TMEM117: variants seen among roughly 807,000 people sequenced by gnomAD.
TMEM117 encodes transmembrane protein 117.
Under a neutral mutation model 52.4 loss-of-function variants are expected in TMEM117, and 27 were observed. That is an observed-to-expected ratio of 0.51 (90% CI 0.38 to 0.71). The LOEUF is 0.71. TMEM117 is among the 30% of genes least tolerant of loss of function. The pLI is 0.00. For synonymous variants in TMEM117, 215 were observed against 206.3 expected (o/e 1.04, Z -0.36); for missense variants, 556 against 630.5 (o/e 0.88, Z 1.26).
intron 6 of TMEM117, among the ~76,000 whole-genome samples, chr12:44,307,764 G>A (rs1317950774): frequency 2.0e-5 from 3 of 152,202 alleles, no homozygotes; most frequent in Admixed American, 2.0e-4. Context: ...CCATACAGAA[G>A]GAAGGAGTCC....
At chr12:44,363,081 A>G (rs1244786666) in intron 6 of TMEM117, among the ~76,000 whole-genome samples, 1 of 152,182 alleles carries the variant, frequency 6.6e-6, no homozygotes, top group African/African-American at 2.4e-5. Flanking sequence ...AAGGTCATTT[A>G]GAGCCAGGAC....
chr12:44,206,078 A>G (rs1253873814), intron 4 of TMEM117, among the ~76,000 whole-genome samples: 1 of 152,210 alleles, frequency 6.6e-6, no homozygotes, highest in Non-Finnish European at 1.5e-5. Flanking sequence ...CAGCAAGCCA[A>G]TGGTAAGCAT....
intron 2 of TMEM117, among the ~76,000 whole-genome samples, chr12:43,942,468 T>C (rs1945058995): frequency 6.6e-6 from 1 of 152,196 alleles, no homozygotes; most frequent in Admixed American, 6.5e-5. Flanking sequence ...TTATAATTTG[T>C]GGGGGCTAGT....
At chr12:43,817,245 G>A in the TMEM117 span, among the ~76,000 whole-genome samples, 1 of 152,130 alleles carries the variant, frequency 6.6e-6, no homozygotes, top group Non-Finnish European at 1.5e-5. Context: ...AAATGTGTTG[G>A]CCTTACCTGA....
chr12:44,331,208 T>TC (rs1196107333), intron 6 of TMEM117, among the ~76,000 whole-genome samples: 1 of 151,774 alleles, frequency 6.6e-6, no homozygotes, highest in Non-Finnish European at 1.5e-5. Context: ...TCTTTTTTTC[T>TC]CTTTTTTTTT....
rs577748425 is a variant in TMEM117 at position 44,162,002 on chromosome 12, T to C, written c.510+18378T>C. Reference sequence around the variant, plus strand: ...CAGCAATCAGATACAGAAAATAAATTGGACTTTATGCAGTCATTTGGGAAT... The same window carrying C: ...CAGCAATCAGATACAGAAAATAAATCGGACTTTATGCAGTCATTTGGGAAT... On this transcript the variant is annotated intron_variant, in intron 4 of 7. Coordinates refer to ENST00000266534, the MANE Select transcript of TMEM117 (RefSeq NM_032256.3). Among the ~76,000 whole-genome samples the C allele has an allele frequency of 3.3e-5, 5 of 152,216 alleles. No homozygotes were observed. In the South Asian group the frequency reaches 1.0e-3, roughly 32 times the overall value.
chr12:44,346,408 G>T (rs762238217), intron 6 of TMEM117, among the ~76,000 whole-genome samples: 1 of 152,018 alleles, frequency 6.6e-6, no homozygotes, highest in Non-Finnish European at 1.5e-5. Flanking sequence ...ATACAATGTG[G>T]TTGCTCATAA....
intron 3 of TMEM117, among the ~76,000 whole-genome samples, chr12:44,073,261 G>T (rs2137988740): frequency 6.6e-6 from 1 of 152,266 alleles, no homozygotes; most frequent in South Asian, 2.1e-4. Flanking sequence ...TTCAGGCCAT[G>T]TAAAGAAGAA....
chr12:44,051,110 A>G (rs1414854097), intron 3 of TMEM117, among the ~76,000 whole-genome samples: 3 of 152,320 alleles, frequency 2.0e-5, no homozygotes, highest in East Asian at 3.9e-4. Flanking sequence ...TGTGTTGCCA[A>G]CTGCATATAA....
At chr12:44,300,044 AC>A (rs886498613) in intron 6 of TMEM117, among the ~76,000 whole-genome samples, 3 of 152,184 alleles carry the variant, frequency 2.0e-5, no homozygotes, top group African/African-American at 7.2e-5. Context: ...AGAAACAAAA[AC>A]CAAAAATCCT....
chr12:44,278,645 A>G (rs538803194), intron 5 of TMEM117, among the ~76,000 whole-genome samples: 73 of 152,318 alleles, frequency 4.8e-4, no homozygotes, highest in African/African-American at 1.6e-3. Context: ...AAATCAATCA[A>G]TGGGATCTCT....
intron 5 of TMEM117, among the ~76,000 whole-genome samples, chr12:44,285,214 T>C (rs1413329134): frequency 6.6e-6 from 1 of 152,212 alleles, no homozygotes; most frequent in Non-Finnish European, 1.5e-5. Context: ...TACCAAGTTG[T>C]TCCTTCATTT....
intron 3 of TMEM117, among the ~76,000 whole-genome samples, chr12:44,126,169 A>G (rs1248632590): frequency 1.3e-5 from 2 of 152,082 alleles, no homozygotes; most frequent in African/African-American, 4.8e-5. Flanking sequence ...TCCACCATTA[A>G]TGGGCATTTA....
At chr12:44,398,810 T>C in the TMEM117 span, among the ~76,000 whole-genome samples, 1 of 152,238 alleles carries the variant, frequency 6.6e-6, no homozygotes, top group Non-Finnish European at 1.5e-5. Flanking sequence ...AGATTGCATT[T>C]GTTTTTATAA....
At chr12:43,999,918 A>G (rs1014330010) in intron 3 of TMEM117, among the ~76,000 whole-genome samples, 20 of 152,246 alleles carry the variant, frequency 1.3e-4, no homozygotes, top group Admixed American at 8.5e-4. Context: ...GTTAATGGGA[A>G]TGAAAGGAAT....
At chr12:44,324,807 A>G (rs907417954) in intron 6 of TMEM117, among the ~76,000 whole-genome samples, 8 of 152,132 alleles carry the variant, frequency 5.3e-5, no homozygotes, top group Non-Finnish European at 1.2e-4. Context: ...ATGCATTGTA[A>G]TTTTATCTGT....
the TMEM117 span, among the ~76,000 whole-genome samples, chr12:44,395,700 T>C: frequency 6.6e-6 from 1 of 152,214 alleles, no homozygotes; most frequent in African/African-American, 2.4e-5. Flanking sequence ...TCTTTGACTT[T>C]CTAGGGTCTT....
At chr12:43,797,512 C>A in the TMEM117 span, 1 of 1,426,488 alleles carries the variant, frequency 7.0e-7, no homozygotes, top group Non-Finnish European at 9.4e-7. Context: ...TAAGTTAAAA[C>A]ATATAATAAA....
At chr12:44,251,742 G>T (rs184577423) in intron 5 of TMEM117, among the ~76,000 whole-genome samples, 14 of 152,126 alleles carry the variant, frequency 9.2e-5, no homozygotes, top group Non-Finnish European at 2.1e-4. Flanking sequence ...GGTGGTCAAA[G>T]AAAATATTTA....
Sources: gnomAD v4.1 joint callset for allele counts (sites outside exome capture counted in the v4.1 genomes callset) on GRCh38, gnomAD v4.1.1 for gene constraint, MANE v1.5 for transcripts, NCBI Gene and HGNC (gene_info 2026-07-23, HGNC 2026-07-21) for gene names.